PCNT: variants seen among roughly 807,000 people sequenced by gnomAD.
PCNT encodes pericentrin.
A neutral mutation model predicts 380.4 loss-of-function variants in PCNT; 319 were observed. The observed-to-expected ratio is 0.84, with a 90% CI of 0.77 to 0.92. The LOEUF (loss-of-function observed/expected upper bound fraction) is 0.92. PCNT is among the 40% of genes least tolerant of loss of function. The pLI, the probability that PCNT is intolerant of heterozygous loss-of-function variation, is 0.00. For synonymous variants in PCNT, 1,845 were observed against 1,735.2 expected (o/e 1.06, Z -1.57); for missense variants, 4,400 against 4,255.3 (o/e 1.03, Z -0.95).
In PCNT at chr21:46,416,220, C is replaced by T; in HGVS notation, c.6302C>T (p.Ala2101Val). 1.2e-6 allele frequency: 2 copies of T among 1,614,194 alleles called. No homozygotes were observed. The highest frequency in any genetic ancestry group is 1.7e-6 in the Non-Finnish European group (2 of 1,180,038). The change falls in exon 30 of 47, where the codon GCC (alanine) becomes GTC (valine). Residue 2101 changes from alanine (A) to valine (V), a missense_variant. By Grantham distance (64) the Ala-to-Val change is moderately conservative. Coordinates refer to ENST00000359568, the MANE Select transcript of PCNT (RefSeq NM_006031.6). ...GACACCAAATCTCTGTGGCCCATGG[C>T]CTCAGCACACCTGTTGGAGAGCAGC... is the stretch of plus-strand genomic sequence containing the variant. ...AADTKSLWPM[A>V]SAHLLESSWS... is the part of the protein sequence containing the mutation.
chr21:46,404,627 C>T (rs1601979818), intron 27 of PCNT, among the ~76,000 whole-genome samples: 2 of 151,964 alleles, frequency 1.3e-5, no homozygotes, highest in Non-Finnish European at 2.9e-5. Flanking sequence ...TCTGTTTCCT[C>T]ATACAATATT....
In PCNT at chr21:46,431,557, G is replaced by A. The variant is rs762033686; in HGVS notation, c.8093G>A (p.Arg2698His). ...CTGCGGGCGTCTTTGGAGACACAGC[G>A]TGCTCAGAGCAGTCGACTCTGCGTG... ...EELRASLETQ[R>H]AQSSRLCVAL... Residue 2698 changes from arginine to histidine, a missense_variant, in exon 38 of 47, where the codon CGT becomes CAT. Transcript: ENST00000359568. 40 of 1,613,944 alleles carry A rather than the reference G, an allele frequency of 2.5e-5. No homozygotes were observed. Among genetic ancestry groups the A allele is most frequent in the Admixed American group, 2.0e-4 (12 of 60,012 alleles).
intron 1 of PCNT, among the ~76,000 whole-genome samples, chr21:46,324,607 G>C (rs2083299384): frequency 1.3e-5 from 2 of 150,628 alleles, no homozygotes; most frequent in African/African-American, 4.9e-5. Flanking sequence ...CGCCGGGGCG[G>C]GGTGTGGCTG....
intron 39 of PCNT, 118 bp from the exon 40 acceptor site, chr21:46,436,859 TCA>T: frequency 1.3e-6 from 1 of 782,972 alleles, no homozygotes; most frequent in Non-Finnish European, 2.2e-6. Context: ...ACGAAGTGAT[TCA>T]CACACAGGCT....
Position 46,416,832 on chromosome 21 carries a change from C to T in PCNT, c.6914C>T (p.Thr2305Met), listed in dbSNP as rs770226991. 138 of 1,597,658 alleles carry T rather than the reference C, an allele frequency of 8.6e-5. 1 individual carries two copies. Among genetic ancestry groups the T allele is most frequent in the Non-Finnish European group, 1.0e-4 (122 of 1,179,706 alleles). Residue 2305 changes from threonine (T) to methionine (M), a missense_variant, in exon 30 of 47, where the codon ACG becomes ATG. Physicochemically the swap from Thr to Met is moderately conservative, Grantham distance 81. Coordinates refer to ENST00000359568, the MANE Select transcript of PCNT (RefSeq NM_006031.6). ...GCTGACGACCACCATGTGCAGAGGA[C>T]GGCTGTGGTAGGTGCCTGCTCTGCT... ...PPADDHHVQR[T>M]AVEKDVEDFI...
At position 46,399,751 on chromosome 21, in the gene PCNT, GGAA is replaced by G. The variant is rs761394293; in HGVS notation, c.4751_4753del (p.Glu1584del). ...TCAGGAAAAAAGTGGCCCAGCTCCAGGAAGAAGTGGAAAAACAGAAAAACATCG... is the reference window on the plus strand; with the variant it reads ...TCAGGAAAAAAGTGGCCCAGCTCCAGGAAGTGGAAAAACAGAAAAACATCG... On this transcript the variant is annotated inframe_deletion, in exon 25 of 47. Coordinates refer to ENST00000359568, the MANE Select transcript of PCNT (RefSeq NM_006031.6). The G allele has an allele frequency of 1.2e-6, 2 of 1,614,142 alleles. No individual in the cohort carries two copies. Among genetic ancestry groups the G allele is most frequent in the South Asian group, 2.2e-5 (2 of 91,080 alleles).
intron 1 of PCNT, chr21:46,325,211 G>T (rs920049156): frequency 4.0e-5 from 39 of 985,080 alleles, no homozygotes; most frequent in Non-Finnish European, 4.6e-5. Context: ...CCTCTGCGAG[G>T]TGCGCGCCGC....
At chr21:46,327,312 G>A (rs1309498582) in intron 2 of PCNT, among the ~76,000 whole-genome samples, 1 of 152,108 alleles carries the variant, frequency 6.6e-6, no homozygotes, top group Non-Finnish European at 1.5e-5. Flanking sequence ...GCCCGCCTCG[G>A]CCTCCCAAAG....
chr21:46,374,959 A>G (rs1291793688), intron 15 of PCNT, among the ~76,000 whole-genome samples: 1 of 151,828 alleles, frequency 6.6e-6, no homozygotes, highest in East Asian at 1.9e-4. Context: ...CCCCGCGGCG[A>G]TGCTTTATCT....
At chr21:46,436,745 G>A (rs1027183392) in intron 39 of PCNT, among the ~76,000 whole-genome samples, 15 of 152,210 alleles carry the variant, frequency 9.9e-5, no homozygotes, top group Non-Finnish European at 5.9e-5. Context: ...GTGGCTTCCC[G>A]TGCTCGGTGG....
chr21:46,334,204 C>CAA (rs35021942), intron 2 of PCNT, among the ~76,000 whole-genome samples, 193 bp from the exon 3 acceptor site: 2 of 97,094 alleles, frequency 2.1e-5, no homozygotes, highest in Non-Finnish European at 2.4e-5. Flanking sequence ...GACTCCGTCT[C>CAA]AAAAAAAAAA....
chr21:46,330,395 A>G (rs2146298686), intron 2 of PCNT, among the ~76,000 whole-genome samples: 1 of 152,348 alleles, frequency 6.6e-6, no homozygotes, highest in East Asian at 1.9e-4. Context: ...CTGGAATTAT[A>G]GGTGTGAGCC....
intron 1 of PCNT, chr21:46,324,869 T>TC: frequency 2.0e-6 from 2 of 985,336 alleles, no homozygotes; most frequent in African/African-American, 1.7e-5. Context: ...GGAGATGCTT[T>TC]CCCCGCGCGT....
intron 31 of PCNT, 22 bp from the exon 32 acceptor site, chr21:46,421,948 C>A: frequency 6.2e-7 from 1 of 1,613,384 alleles, no homozygotes; most frequent in African/African-American, 1.3e-5. Context: ...TGGGTGGGAC[C>A]CTGACCCTGT....
rs2084376197 is a variant in PCNT at position 46,353,932 on chromosome 21, CACA to C, written c.1680-54_1680-52del. On this transcript the variant is annotated intron_variant, in intron 10 of 46. Coordinates refer to ENST00000359568, the MANE Select transcript of PCNT (RefSeq NM_006031.6). ...AGTCGGTCCTGGGGAGGGAATGGCG[CACA>C]CATGGAAAAGGGGTACGTGTGTAAA... 2.1e-6 allele frequency: 3 copies of C among 1,462,656 alleles called. No homozygotes were observed. The African/African-American group carries it at 4.2e-5, about 20-fold the overall frequency. 90.6% of individuals were successfully genotyped at this position (1,462,656 alleles called of 1,614,324 possible). A position where few individuals can be genotyped will look rare whatever the true frequency, so the allele number is the denominator to read the frequency against.
Position 46,440,084 on chromosome 21 carries a change from G to C in PCNT, c.9275G>C (p.Arg3092Thr). The C allele has an allele frequency of 6.2e-7, 1 of 1,614,080 alleles. No individual in the cohort carries two copies. The highest frequency in any genetic ancestry group is 8.5e-7 in the Non-Finnish European group (1 of 1,180,032). ...HHLQKGCSPS[R>T]SERSAWKPDE... ...AGCGCTGGCTGTGCTTCCTTACAGAGGTCGGAAAGGTCTGCTTGGAAGCCA... is the reference window on the plus strand; with the variant it reads ...AGCGCTGGCTGTGCTTCCTTACAGACGTCGGAAAGGTCTGCTTGGAAGCCA... Residue 3092 changes from arginine to threonine, a missense_variant and splice_region_variant, in exon 42 of 47, where the codon AGG becomes ACG. Physicochemically the swap from Arg to Thr is moderately conservative, Grantham distance 71. Coordinates refer to ENST00000359568, the MANE Select transcript of PCNT (RefSeq NM_006031.6).
At position 46,346,825 on chromosome 21, in the gene PCNT, A is replaced by G. The variant is rs556900171; in HGVS notation, c.803A>G (p.Asn268Ser). The G allele has an allele frequency of 3.7e-5, 60 of 1,606,188 alleles. No individual in the cohort carries two copies. In the East Asian group the frequency reaches 1.0e-3, roughly 28 times the overall value. ...GCGCAGCTGGAGCTGACACAGGCCA[A>G]CCTCCAGAAGGAGAAGGAGACGGCA... ...HTAQLELTQA[N>S]LQKEKETALT... Residue 268 changes from asparagine (N) to serine (S), a missense_variant, in exon 5 of 47, where the codon AAC becomes AGC. Coordinates refer to ENST00000359568, the MANE Select transcript of PCNT (RefSeq NM_006031.6).
chr21:46,428,425 C>G lies in PCNT; in HGVS notation c.7525C>G (p.Leu2509Val). 1 of 1,612,624 alleles carries G rather than the reference C, an allele frequency of 6.2e-7. No homozygotes were observed. Among genetic ancestry groups the G allele is most frequent in the African/African-American group, 1.3e-5 (1 of 75,072 alleles). ...GDLQEKSLEH[L>V]RLPDRSSLLS... ...CCTGCAGGAAAAGTCCCTGGAGCAT[C>G]TTCGCTTGCCGGACCGGAGCAGCCT... is the stretch of plus-strand genomic sequence containing the variant. The change falls in exon 35 of 47, where the codon CTT (leucine) becomes GTT (valine). Residue 2509 changes from leucine to valine, a missense_variant. Physicochemically the swap from Leu to Val is conservative, Grantham distance 32. Coordinates refer to ENST00000359568, the MANE Select transcript of PCNT (RefSeq NM_006031.6).
chr21:46,419,898 G>A (rs1359207477), intron 31 of PCNT, among the ~76,000 whole-genome samples: 2 of 152,286 alleles, frequency 1.3e-5, no homozygotes, highest in Middle Eastern at 3.4e-3. Flanking sequence ...GAGCCACTGC[G>A]CCTGGCCAGC....
Sources: allele counts gnomAD v4.1 joint callset (sites outside exome capture counted in the v4.1 genomes callset), GRCh38; gene constraint gnomAD v4.1.1; transcripts MANE v1.5; gene names NCBI Gene and HGNC (gene_info 2026-07-23, HGNC 2026-07-21).